MAP4K1: variants seen among roughly 807,000 people sequenced by gnomAD.
The protein encoded by MAP4K1 is MAPK/ERK kinase kinase kinase 1.
Under a neutral mutation model 122.8 loss-of-function variants are expected in MAP4K1, and 35 were observed. That is an observed-to-expected ratio of 0.29 (90% confidence interval 0.22 to 0.38). The LOEUF (loss-of-function observed/expected upper bound fraction) is 0.38, where lower values mean the gene tolerates loss of function less well. MAP4K1 is among the 10% of genes least tolerant of loss of function. The probability of loss-of-function intolerance (pLI) is 1.00; values close to 1 mark genes in which losing one functional copy is unlikely to be tolerated. For missense variants in MAP4K1, 791 were observed against 1,072.6 expected (o/e 0.74, Z 3.67); for synonymous variants, 412 against 421.3 (o/e 0.98, Z 0.27).
At chr19:38,598,118 C>T (rs1175024041) in intron 22 of MAP4K1, among the ~76,000 whole-genome samples, 1 of 150,240 alleles carries the variant, frequency 6.7e-6, no homozygotes, top group Non-Finnish European at 1.5e-5. Flanking sequence ...GCAGCCTCTG[C>T]CTCCCAGGTT....
At chr19:38,595,219 G>A (rs1190260730) in intron 29 of MAP4K1, among the ~76,000 whole-genome samples, 8 of 152,048 alleles carry the variant, frequency 5.3e-5, no homozygotes, top group Non-Finnish European at 8.8e-5. Context: ...AACCCGGGAG[G>A]TGGAGGTTGC....
At position 38,600,149 on chromosome 19, in the gene MAP4K1, C is replaced by A. The variant is rs371563251; in HGVS notation, c.1536G>T (p.Gln512His). ...AAWTHPSTKD[Q>H]HLLLGAEEGI... ...CTTCCTCTGCCCCCAGGAGCAGGTG[C>A]TGGTCTGGAGGCACAGACAAGGACG... is the stretch of plus-strand genomic sequence containing the variant. Residue 512 changes from glutamine (Q) to histidine (H), a missense_variant, in exon 21 of 31, where the codon CAG (glutamine) becomes CAT (histidine). By Grantham distance (24) the Gln-to-His change is conservative (BLOSUM62 0). This residue lies in a region of MAP4K1 where 58 missense variants were observed against 118.7 expected (regional missense o/e 0.49). Coordinates refer to ENST00000396857, the MANE Select transcript of MAP4K1 (RefSeq NM_001042600.3). 38 of 1,614,000 alleles carry A rather than the reference C, an allele frequency of 2.4e-5. No homozygotes were observed. Among genetic ancestry groups the A allele is most frequent in the Non-Finnish European group, 3.1e-5 (37 of 1,179,990 alleles).
At position 38,617,308 on chromosome 19, in the gene MAP4K1, G is replaced by T; in HGVS notation, c.248+46C>A. ...CCCCCATCAAGAAATGGGGACTCCG[G>T]GTTAGGGGCTGGGCTGGGTGCCAGG... On this transcript the variant is annotated intron_variant, in intron 3 of 30. Coordinates refer to ENST00000396857, the MANE Select transcript of MAP4K1 (RefSeq NM_001042600.3). The surrounding 1 kb of genome is among the most constrained non-coding windows in gnomAD (Gnocchi z 4.1). 1 of 1,353,480 alleles carries T rather than the reference G, an allele frequency of 7.4e-7. No homozygotes were observed. The highest frequency in any genetic ancestry group is 1.1e-6 in the Non-Finnish European group (1 of 943,512). 83.8% of individuals were successfully genotyped at this position (1,353,480 alleles called of 1,614,324 possible).
At position 38,595,746 on chromosome 19, in the gene MAP4K1, G is replaced by A. The variant is rs375926254; in HGVS notation, c.2180-17C>T. On this transcript the variant is annotated splice_polypyrimidine_tract_variant and intron_variant, in intron 27 of 30. Coordinates refer to ENST00000396857, the MANE Select transcript of MAP4K1 (RefSeq NM_001042600.3). ...TCACAGAGCCTGGAAGGAGATAGAC[G>A]GTTTTAAGAACTGTGAGCAAGGCTT... is the stretch of plus-strand genomic sequence containing the variant. 7 of 1,578,324 alleles carry A rather than the reference G, an allele frequency of 4.4e-6. No individual in the cohort carries two copies. The highest frequency in any genetic ancestry group is 1.4e-5 in the African/African-American group (1 of 73,562).
Position 38,607,855 on chromosome 19 carries a change from C to A in MAP4K1, c.1157+9G>T, listed in dbSNP as rs528570846. 6.2e-7 allele frequency: 1 copy of A among 1,610,260 alleles called. No individual in the cohort carries two copies. The highest frequency in any genetic ancestry group is 1.1e-5 in the South Asian group (1 of 90,342). On this transcript the variant is annotated intron_variant, in intron 16 of 30. Transcript: ENST00000396857. ...GGGCCTGTGGAGCTGCAGGCAGGGC[C>A]TCACTTACATGTCCACGTCGTCATA... is the stretch of plus-strand genomic sequence containing the variant.
rs117997555 is a variant in MAP4K1 at position 38,598,327 on chromosome 19, G to A, written c.1670-733C>T. Among the ~76,000 whole-genome samples the A allele has an allele frequency of 0.014, 2,098 of 150,336 alleles. 124 individuals carry two copies. In the East Asian group the frequency reaches 0.14, roughly 10 times the overall value. On this transcript the variant is annotated intron_variant, in intron 22 of 30. Transcript: ENST00000396857. Reference sequence around the variant, plus strand: ...ATTACAGGTGTGAACCACCGCACCCGGCCTATTTATTGTTATATATAGACA... The same window carrying A: ...ATTACAGGTGTGAACCACCGCACCCAGCCTATTTATTGTTATATATAGACA...
In MAP4K1 at chr19:38,587,831, A is replaced by G; in HGVS notation, c.2397-14T>C. The G allele has an allele frequency of 6.3e-7, 1 of 1,598,904 alleles. No individual in the cohort carries two copies. Among genetic ancestry groups the G allele is most frequent in the Non-Finnish European group, 8.6e-7 (1 of 1,166,100 alleles). On this transcript the variant is annotated splice_polypyrimidine_tract_variant and intron_variant, in intron 30 of 30. Transcript: ENST00000396857. Reference sequence around the variant, plus strand: ...ACCACTACAGGCCTGTGGAAGGAAGAGATAAGTCAGTTCATTTATTCATTC... The same window carrying G: ...ACCACTACAGGCCTGTGGAAGGAAGGGATAAGTCAGTTCATTTATTCATTC...
rs140381231 is a variant in MAP4K1 at position 38,602,675 on chromosome 19, T to C, written c.1447-1150A>G. Among the ~76,000 whole-genome samples the C allele has an allele frequency of 3.2e-3, 477 of 149,140 alleles. 2 individuals are homozygous for C. The highest frequency in any genetic ancestry group is 0.011 in the African/African-American group (453 of 40,702). On this transcript the variant is annotated intron_variant, in intron 19 of 30. Transcript: ENST00000396857. ...ATACATATATACACATGTACATATA[T>C]ACGCATATACATATATACACACATA... is the stretch of plus-strand genomic sequence containing the variant.
intron 25 of MAP4K1, 60 bp downstream of exon 25, chr19:38,596,974 G>T: frequency 6.7e-7 from 1 of 1,485,782 alleles, no homozygotes. Context: ...GAAGCGCAAA[G>T]GGTGCAAGGC....
Position 38,587,784 on chromosome 19 carries a change from A to G in MAP4K1, c.2430T>C (p.Asp810=). 1.9e-6 allele frequency: 3 copies of G among 1,614,048 alleles called. No individual in the cohort carries two copies. In the East Asian group the frequency reaches 6.7e-5, roughly 36 times the overall value. ...TGTAGAGGTTGCTGGGAGCAGTAGG[A>G]TCATCCACTGGGCGTGTCTCCACCA... ...PVVVETRPVD[D]PTAPSNLYIQ... The change falls in exon 31 of 31, where the codon GAT becomes GAC. Residue 810 remains aspartate (D), a synonymous_variant. Coordinates refer to ENST00000396857, the MANE Select transcript of MAP4K1 (RefSeq NM_001042600.3).
chr19:38,616,520 G>A (rs1388352204), intron 3 of MAP4K1, among the ~76,000 whole-genome samples: 2 of 152,106 alleles, frequency 1.3e-5, no homozygotes, highest in South Asian at 2.1e-4. Context: ...CCCCACTGCC[G>A]TCCCACGCCA....
At position 38,603,063 on chromosome 19, in the gene MAP4K1, T is replaced by TATAC. The variant is rs1211393350; in HGVS notation, c.1447-1539_1447-1538insGTAT. ...ATGTACATATATACGCATATACATA[T>TATAC]ACACATATACATATATACACATGTA... On this transcript the variant is annotated intron_variant, in intron 19 of 30. Transcript: ENST00000396857. Among the ~76,000 whole-genome samples the TATAC allele has an allele frequency of 5.9e-4, 74 of 125,124 alleles. 3 individuals carry two copies. The highest frequency in any genetic ancestry group is 2.1e-3 in the African/African-American group (63 of 30,604). 82.1% of individuals were successfully genotyped at this position (125,124 alleles called of 152,430 possible). A position where few individuals can be genotyped will look rare whatever the true frequency, so the allele number is the denominator to read the frequency against.
intron 16 of MAP4K1, among the ~76,000 whole-genome samples, chr19:38,607,584 G>A (rs1178925046): frequency 1.7e-4 from 25 of 145,776 alleles, no homozygotes; most frequent in East Asian, 2.0e-4. Context: ...AAAAAAAGAA[G>A]AAGGTGGAAG....
At chr19:38,614,949 GGAAA>G (rs1228890396) in intron 4 of MAP4K1, 1 of 134,288 alleles carries the variant, frequency 7.4e-6, no homozygotes, top group Non-Finnish European at 1.6e-5. Flanking sequence ...AAAAAAAAAA[GGAAA>G]GAAGGAAAGA....
chr19:38,612,816 G>A lies in MAP4K1; in HGVS notation c.534-74C>T. 7 of 1,503,808 alleles carry A rather than the reference G, an allele frequency of 4.7e-6. No individual in the cohort carries two copies. The East Asian group carries it at 1.4e-4, about 29-fold the overall frequency. The allele number at this position is 1,503,808 out of a possible 1,614,324, so 93.2% of individuals were successfully genotyped here. ...GGGAAGGAGGGGCAGAGAAGGAGAA[G>A]GAGTTGAGGGGAGACGCAGCACACA... On this transcript the variant is annotated intron_variant, in intron 8 of 30. Transcript: ENST00000396857.
intron 30 of MAP4K1, among the ~76,000 whole-genome samples, chr19:38,590,617 G>A (rs959988475): frequency 6.6e-6 from 1 of 151,192 alleles, no homozygotes; most frequent in Non-Finnish European, 1.5e-5. Flanking sequence ...TGGGATTACA[G>A]GCACGTGCCA....
chr19:38,601,335 A>T, intron 20 of MAP4K1, 106 bp downstream of exon 20: 1 of 1,005,514 alleles, frequency 9.9e-7, no homozygotes, highest in Non-Finnish European at 1.5e-6. Context: ...CAACTCCATT[A>T]AGCTCCTCCC....
chr19:38,594,476 C>T (rs1332705232), intron 29 of MAP4K1, among the ~76,000 whole-genome samples: 1 of 152,052 alleles, frequency 6.6e-6, no homozygotes, highest in Non-Finnish European at 1.5e-5. Flanking sequence ...CCCGTCTCTA[C>T]TAAAAATACA....
rs1047030837 is a variant in MAP4K1 at position 38,617,778 on chromosome 19, G to A, written c.99+19C>T. ...AGGTCACTGGTTGTAGGGTGTTGGG[G>A]ACAGAGGGGCTTCCTCACCTTAAAG... On this transcript the variant is annotated intron_variant, in intron 1 of 30. Coordinates refer to ENST00000396857, the MANE Select transcript of MAP4K1 (RefSeq NM_001042600.3). This position sits in a 1 kb window ranked among gnomAD's most constrained non-coding sequence, Gnocchi z 4.1. The A allele has an allele frequency of 6.2e-7, 1 of 1,613,370 alleles. No homozygotes were observed. Among genetic ancestry groups the A allele is most frequent in the Non-Finnish European group, 8.5e-7 (1 of 1,179,410 alleles).
Sources: allele counts gnomAD v4.1 joint callset (sites outside exome capture counted in the v4.1 genomes callset), GRCh38; gene constraint gnomAD v4.1.1; regional missense constraint gnomAD v4.1.1; non-coding constraint Gnocchi (gnomAD v3.1); transcripts MANE v1.5; gene names NCBI Gene and HGNC (gene_info 2026-07-23, HGNC 2026-07-21).